The following OR10K1 variants were observed in gnomAD, a reference collection of about 807,000 sequenced individuals.
The protein encoded by OR10K1 is olfactory receptor 10K1.
For missense variants in OR10K1, 404 were observed against 373.3 expected (o/e 1.08, Z -0.68); for synonymous variants, 186 against 152.5 (o/e 1.22, Z -1.62).
At position 158,465,512 on chromosome 1, in the gene OR10K1, AT is replaced by A; in HGVS notation, c.-49del. The A allele has an allele frequency of 7.0e-7, 1 of 1,431,006 alleles. No homozygotes were observed. Among genetic ancestry groups the A allele is most frequent in the Non-Finnish European group, 9.7e-7 (1 of 1,033,776 alleles). The allele number at this position is 1,431,006 out of a possible 1,614,324, so 88.6% of individuals were successfully genotyped here. A position where few individuals can be genotyped will look rare whatever the true frequency, so the allele number is the denominator to read the frequency against. ...CGTACATTTCCACTCTCCTTTCTGG[AT>A]CCTGGTTTCTACCTCTGTCCCTGAC... On this transcript the variant is annotated 5_prime_UTR_variant, in exon 2 of 2. It removes the in-frame stop codon of an upstream open reading frame in the 5' UTR. Coordinates refer to ENST00000641535, the MANE Select transcript of OR10K1 (RefSeq NM_001004473.2).
chr1:158,462,123 TA>T (rs200047170), intron 1 of OR10K1, among the ~76,000 whole-genome samples: 1,529 of 151,788 alleles, frequency 0.01, 28 homozygotes, highest in African/African-American at 0.035. Context: ...CTACTAAAAA[TA>T]AAAAAATTAG....
chr1:158,466,818 A>T lies in OR10K1; in HGVS notation c.*315A>T, dbSNP rs980737658. 2.2e-5 allele frequency: 5 copies of T among 224,726 alleles called. No individual in the cohort carries two copies. Among genetic ancestry groups the T allele is most frequent in the African/African-American group, 1.2e-4 (5 of 43,302 alleles). 13.9% of individuals were successfully genotyped at this position (224,726 alleles called of 1,614,324 possible). Reference sequence around the variant, plus strand: ...TAAACTGATGAGAGCTGTGTCTTGAAGTAGAGAGCTTGGATACATCAGGAA... The same window carrying T: ...TAAACTGATGAGAGCTGTGTCTTGATGTAGAGAGCTTGGATACATCAGGAA... On this transcript the variant is annotated 3_prime_UTR_variant, in exon 2 of 2. Transcript: ENST00000641535.
In OR10K1 at chr1:158,466,952, C is replaced by T. The variant is rs1390743566; in HGVS notation, c.*449C>T. 6.5e-6 allele frequency: 1 copy of T among 153,328 alleles called. No individual in the cohort carries two copies. The highest frequency in any genetic ancestry group is 1.4e-5 in the Non-Finnish European group (1 of 69,318). The allele number at this position is 153,328 out of a possible 1,614,324, so 9.5% of individuals were successfully genotyped here. On this transcript the variant is annotated 3_prime_UTR_variant, in exon 2 of 2. Coordinates refer to ENST00000641535, the MANE Select transcript of OR10K1 (RefSeq NM_001004473.2). ...TTCTTTTCCTAAAGACAACAGAAAACTTTGGTCCCACACATTCTGCTACAA... is the reference window on the plus strand; with the variant it reads ...TTCTTTTCCTAAAGACAACAGAAAATTTTGGTCCCACACATTCTGCTACAA...
At position 158,466,258 on chromosome 1, in the gene OR10K1, G is replaced by A. The variant is rs1461483065; in HGVS notation, c.697G>A (p.Gly233Arg). ...CATTCTAAAAATCCCTTCCTCCGTT[G>A]GAAGATACAAGACCTTCTCCACCTG... ...SAILKIPSSV[G>R]RYKTFSTCAS... The change falls in exon 2 of 2, where the codon GGA becomes AGA. Residue 233 changes from glycine (G) to arginine (R), a missense_variant. Transcript: ENST00000641535. 1 of 1,614,068 alleles carries A rather than the reference G, an allele frequency of 6.2e-7. No homozygotes were observed. Among genetic ancestry groups the A allele is most frequent in the Admixed American group, 1.7e-5 (1 of 59,998 alleles).
At chr1:158,463,963 TAAGA>T in intron 1 of OR10K1, among the ~76,000 whole-genome samples, 1 of 151,940 alleles carries the variant, frequency 6.6e-6, no homozygotes, top group Admixed American at 6.6e-5. Context: ...TTCTAGTAAG[TAAGA>T]AAGAAAAAAA....
At chr1:158,463,842 G>C (rs1251938879) in intron 1 of OR10K1, among the ~76,000 whole-genome samples, 1 of 152,066 alleles carries the variant, frequency 6.6e-6, no homozygotes, top group Admixed American at 6.5e-5. Context: ...AATATCAATG[G>C]AGGTATACAT....
intron 1 of OR10K1, among the ~76,000 whole-genome samples, chr1:158,463,649 A>G (rs888881575): frequency 2.8e-4 from 42 of 152,344 alleles, no homozygotes; most frequent in African/African-American, 9.4e-4. Context: ...AGTTGAAAGA[A>G]GATTCAAATG....
In OR10K1 at chr1:158,465,690, A is replaced by T; in HGVS notation, c.129A>T (p.Ala43=). Residue 43 remains alanine, a synonymous_variant, in exon 2 of 2, where the codon GCA becomes GCT. Transcript: ENST00000641535. ...LLYLFTLGTN[A]IIISTIVLDR... is the part of the protein sequence containing the mutation. The stretch of plus-strand genomic sequence containing the variant: ...ACCTGTTCACTCTGGGCACCAATGC[A>T]ATCATCATTTCCACCATTGTGCTGG... 6.2e-7 allele frequency: 1 copy of T among 1,614,148 alleles called. No homozygotes were observed. The highest frequency in any genetic ancestry group is 8.5e-7 in the Non-Finnish European group (1 of 1,180,010).
In OR10K1 at chr1:158,465,807, G is replaced by T; in HGVS notation, c.246G>T (p.Leu82=). ...CCTTTGTCATTGTACCCAAGATGCT[G>T]GTTGACCTGCTGTCCCAGAAGAAGA... is the stretch of plus-strand genomic sequence containing the variant. ...CYTFVIVPKM[L]VDLLSQKKTI... Residue 82 remains leucine (L), a synonymous_variant, in exon 2 of 2, where the codon CTG becomes CTT. Coordinates refer to ENST00000641535, the MANE Select transcript of OR10K1 (RefSeq NM_001004473.2). The T allele has an allele frequency of 6.2e-7, 1 of 1,614,190 alleles. No homozygotes were observed. Among genetic ancestry groups the T allele is most frequent in the Non-Finnish European group, 8.5e-7 (1 of 1,180,028 alleles).
chr1:158,465,827 A>T lies in OR10K1; in HGVS notation c.266A>T (p.Lys89Met). 1 of 1,614,206 alleles carries T rather than the reference A, an allele frequency of 6.2e-7. No homozygotes were observed. The highest frequency in any genetic ancestry group is 8.5e-7 in the Non-Finnish European group (1 of 1,180,032). ...ATGCTGGTTGACCTGCTGTCCCAGA[A>T]GAAGACCATTTCTTTCCTGGGCTGT... is the stretch of plus-strand genomic sequence containing the variant. ...PKMLVDLLSQKKTISFLGCAI... is the reference protein window; with the variant it reads ...PKMLVDLLSQMKTISFLGCAI... The change falls in exon 2 of 2, where the codon AAG becomes ATG. Residue 89 changes from lysine to methionine, a missense_variant. Coordinates refer to ENST00000641535, the MANE Select transcript of OR10K1 (RefSeq NM_001004473.2).
intron 1 of OR10K1, among the ~76,000 whole-genome samples, chr1:158,464,935 C>T (rs1656003090): frequency 6.6e-6 from 1 of 152,208 alleles, no homozygotes; most frequent in Non-Finnish European, 1.5e-5. Flanking sequence ...AGGTGTGAGC[C>T]ACCACATCTG....
chr1:158,463,680 T>C (rs1342831784), intron 1 of OR10K1, among the ~76,000 whole-genome samples: 2 of 152,150 alleles, frequency 1.3e-5, no homozygotes, highest in Non-Finnish European at 2.9e-5. Flanking sequence ...GGGAAAGCAA[T>C]GAGGCAAGGC....
intron 1 of OR10K1, among the ~76,000 whole-genome samples, chr1:158,464,397 G>A (rs1655990352): frequency 6.6e-6 from 1 of 152,142 alleles, no homozygotes; most frequent in Non-Finnish European, 1.5e-5. Flanking sequence ...ATGGTTTACA[G>A]CAGGAGAGGG....
intron 1 of OR10K1, among the ~76,000 whole-genome samples, chr1:158,464,782 G>A (rs1655999739): frequency 6.6e-6 from 1 of 152,076 alleles, no homozygotes; most frequent in African/African-American, 2.4e-5. Flanking sequence ...CCGAGTAGCT[G>A]GGATTACAGG....
intron 1 of OR10K1, among the ~76,000 whole-genome samples, chr1:158,465,041 T>A (rs577030108): frequency 6.6e-6 from 1 of 152,226 alleles, no homozygotes; most frequent in Non-Finnish European, 1.5e-5. Flanking sequence ...TATAAAAAGT[T>A]CCCAGTAAAT....
In OR10K1 at chr1:158,466,615, A is replaced by G. The variant is rs1005804538; in HGVS notation, c.*112A>G. On this transcript the variant is annotated 3_prime_UTR_variant, in exon 2 of 2. Transcript: ENST00000641535. ...CCACTGTAACATAAGAACATTTTAC[A>G]TATGAGAAGAATGAGGCTCACAGAA... is the stretch of plus-strand genomic sequence containing the variant. 1.9e-5 allele frequency: 13 copies of G among 694,146 alleles called. No homozygotes were observed. Among genetic ancestry groups the G allele is most frequent in the Non-Finnish European group, 3.0e-5 (12 of 405,570 alleles). 43.0% of individuals were successfully genotyped at this position (694,146 alleles called of 1,614,324 possible). A position where few individuals can be genotyped will look rare whatever the true frequency, so the allele number is the denominator to read the frequency against.
At position 158,466,196 on chromosome 1, in the gene OR10K1, T is replaced by C. The variant is rs770508614; in HGVS notation, c.635T>C (p.Leu212Pro). Residue 212 changes from leucine to proline, a missense_variant, in exon 2 of 2, where the codon CTA (leucine) becomes CCA (proline). By Grantham distance (98) the Leu-to-Pro change is moderately conservative. Transcript: ENST00000641535. Reference sequence around the variant, plus strand: ...GTATTTGCCTTGGTCATTCCTCTGCTACTTATCCTAGTCTCCTACATCCGC... The same window carrying C: ...GTATTTGCCTTGGTCATTCCTCTGCCACTTATCCTAGTCTCCTACATCCGC... The part of the protein sequence containing the change: ...LGVFALVIPL[L>P]LILVSYIRII... The C allele has an allele frequency of 3.7e-6, 6 of 1,614,056 alleles. No individual in the cohort carries two copies. In the East Asian group the frequency reaches 1.3e-4, roughly 36 times the overall value.
chr1:158,465,590 G>C lies in OR10K1; in HGVS notation c.29G>C (p.Arg10Thr). The C allele has an allele frequency of 1.2e-6, 2 of 1,614,034 alleles. No homozygotes were observed. Among genetic ancestry groups the C allele is most frequent in the Non-Finnish European group, 1.7e-6 (2 of 1,179,994 alleles). Residue 10 changes from arginine to threonine, a missense_variant, in exon 2 of 2, where the codon AGA (arginine) becomes ACA (threonine). Arg to Thr is a moderately conservative substitution (Grantham distance 71). Coordinates refer to ENST00000641535, the MANE Select transcript of OR10K1 (RefSeq NM_001004473.2). Reference protein sequence around the residue: MEQVNKTVVREFVVLGFSSL... With the variant: MEQVNKTVVTEFVVLGFSSL... ...GAGCAAGTCAATAAGACTGTGGTGA[G>C]AGAGTTCGTCGTCCTCGGCTTCTCA...
In OR10K1 at chr1:158,462,414, TTTCC is replaced by T. The variant is rs1214952414; in HGVS notation, c.-157+524_-157+527del. Among the ~76,000 whole-genome samples the T allele has an allele frequency of 4.4e-5, 4 of 91,120 alleles. No homozygotes were observed. In the East Asian group the frequency reaches 9.3e-4, roughly 21 times the overall value. 59.8% of individuals were successfully genotyped at this position (91,120 alleles called of 152,430 possible). A position where few individuals can be genotyped will look rare whatever the true frequency, so the allele number is the denominator to read the frequency against. The stretch of plus-strand genomic sequence containing the variant: ...CCTTACTTCCTTCCTCCCTTCCTTC[TTTCC>T]TTCCTTCCTTCCTCCTCTACTTCTC... On this transcript the variant is annotated intron_variant, in intron 1 of 1. Coordinates refer to ENST00000641535, the MANE Select transcript of OR10K1 (RefSeq NM_001004473.2).
Sources: allele counts gnomAD v4.1 joint callset (sites outside exome capture counted in the v4.1 genomes callset), GRCh38; gene constraint gnomAD v4.1.1; transcripts MANE v1.5; gene names NCBI Gene and HGNC (gene_info 2026-07-23, HGNC 2026-07-21).